Variants in SPDYE14 observed in about 807,000 individuals in gnomAD.
SPDYE14 encodes speedy/RINGO cell cycle regulator family member E14.
chr7:75,268,870 AGAG>A, the SPDYE14 span, among the ~76,000 whole-genome samples: 1 of 23,534 alleles, frequency 4.2e-5, no homozygotes, highest in African/African-American at 9.5e-5. Context: ...AGAGAGAGAG[AGAG>A]AGAGAGAGAG....
the SPDYE14 span, among the ~76,000 whole-genome samples, chr7:75,268,889 GAGAGAA>G: frequency 2.6e-4 from 7 of 26,992 alleles, 1 homozygote; most frequent in African/African-American, 3.9e-4. Flanking sequence ...GAGAGAGAGA[GAGAGAA>G]AGGAAATGGC....
the SPDYE14 span, among the ~76,000 whole-genome samples, chr7:75,261,080 G>A: frequency 1.1e-5 from 1 of 89,592 alleles, no homozygotes; most frequent in Non-Finnish European, 2.7e-5. Flanking sequence ...AGCCGAGATC[G>A]CACCATTGCA....
At chr7:75,249,578 TTTCCTTCCTTCCTTCCTTCCTTCC>T in the SPDYE14 span, among the ~76,000 whole-genome samples, 6 of 60,298 alleles carry the variant, frequency 1.0e-4, no homozygotes, top group African/African-American at 4.3e-4. Flanking sequence ...TCCTTCCTTC[TTTCCTTCCTTCCTTCCTTCCTTCC>T]TTCCTTCCTT....
chr7:75,266,090 A>G, the SPDYE14 span, among the ~76,000 whole-genome samples: 1,252 of 58,246 alleles, frequency 0.021, 3 homozygotes, highest in African/African-American at 0.043. Flanking sequence ...GTTTGTTCTT[A>G]GAGTATGTTT....
At chr7:75,261,039 C>T in the SPDYE14 span, among the ~76,000 whole-genome samples, 1 of 79,234 alleles carries the variant, frequency 1.3e-5, no homozygotes, top group African/African-American at 3.0e-5. Context: ...GCAGGAGAAT[C>T]ACTTGAACCT....
chr7:75,241,470 C>CA, the SPDYE14 span, among the ~76,000 whole-genome samples: 2 of 1,310 alleles, frequency 1.5e-3, no homozygotes, highest in Non-Finnish European at 4.5e-3. Context: ...AAATTCCCGG[C>CA]AAAAAAAAAC....
chr7:75,262,598 A>G, the SPDYE14 span, among the ~76,000 whole-genome samples: 1 of 32,372 alleles, frequency 3.1e-5, no homozygotes, highest in African/African-American at 7.5e-5. Context: ...AGGCAGGAGG[A>G]TGGCTTGAGG....
the SPDYE14 span, among the ~76,000 whole-genome samples, chr7:75,247,226 C>T: frequency 1.1e-4 from 3 of 26,620 alleles, no homozygotes; most frequent in Non-Finnish European, 3.3e-4. Context: ...GTCTGTTGTC[C>T]CAACTACTTG....
chr7:75,279,180 G>GGT, the SPDYE14 span, among the ~76,000 whole-genome samples: 253 of 68,848 alleles, frequency 3.7e-3, 3 homozygotes, highest in Non-Finnish European at 6.1e-3. Flanking sequence ...GTTCTAGAGA[G>GGT]GTGTGTGTGC....
chr7:75,240,638 A>T, the SPDYE14 span, among the ~76,000 whole-genome samples: 1 of 72,046 alleles, frequency 1.4e-5, no homozygotes, highest in African/African-American at 4.0e-5. Context: ...ACAATAAAAA[A>T]AAAAAAGCAG....
chr7:75,275,779 C>T, the SPDYE14 span, among the ~76,000 whole-genome samples: 1 of 30,688 alleles, frequency 3.3e-5, no homozygotes, highest in African/African-American at 8.3e-5. Flanking sequence ...CAGAAGAGTA[C>T]AGTGAACCCC....
At chr7:75,261,015 C>T in the SPDYE14 span, among the ~76,000 whole-genome samples, 1 of 70,844 alleles carries the variant, frequency 1.4e-5, no homozygotes, top group African/African-American at 3.3e-5. Flanking sequence ...GTCCCAGCTA[C>T]TGGGGAGGCT....
At chr7:75,265,565 CAAAAAAAAAAAA>C in the SPDYE14 span, among the ~76,000 whole-genome samples, 1 of 1,770 alleles carries the variant, frequency 5.6e-4, no homozygotes, top group Non-Finnish European at 1.4e-3. Flanking sequence ...TAAAAAAATA[CAAAAAAAAAAAA>C]AAAAAAAAAA....
chr7:75,276,399 AAAC>A, the SPDYE14 span, among the ~76,000 whole-genome samples: 18 of 27,346 alleles, frequency 6.6e-4, 4 homozygotes, highest in Non-Finnish European at 1.1e-3. Context: ...CAATCTTAAA[AAAC>A]AACAACAACA....
At chr7:75,249,805 C>G in the SPDYE14 span, among the ~76,000 whole-genome samples, 1 of 123,338 alleles carries the variant, frequency 8.1e-6, no homozygotes, top group Admixed American at 8.4e-5. Context: ...TCCCAAGTAG[C>G]TGGGACTACA....
the SPDYE14 span, among the ~76,000 whole-genome samples, chr7:75,272,843 A>G: frequency 2.0e-5 from 1 of 49,498 alleles, no homozygotes; most frequent in Non-Finnish European, 5.2e-5. Flanking sequence ...CCCAGATGGC[A>G]CCACTGCACT....
chr7:75,297,575 CT>C, the SPDYE14 span: 1 of 55,422 alleles, frequency 1.8e-5, no homozygotes, highest in African/African-American at 2.2e-4. Context: ...TAGTAACTGG[CT>C]TTAAAAAACT....
chr7:75,241,693 A>T, the SPDYE14 span, among the ~76,000 whole-genome samples: 6 of 22,734 alleles, frequency 2.6e-4, no homozygotes, highest in African/African-American at 6.2e-4. Context: ...ATATATATAT[A>T]TATTTTTTTT....
the SPDYE14 span, among the ~76,000 whole-genome samples, chr7:75,272,869 G>T: frequency 2.6e-5 from 1 of 37,940 alleles, no homozygotes; most frequent in Non-Finnish European, 7.1e-5. Flanking sequence ...CTGGGCGACA[G>T]AGTGAAACTG....
Sources: gnomAD v4.1 joint callset for allele counts (sites outside exome capture counted in the v4.1 genomes callset) on GRCh38, gnomAD v4.1.1 for gene constraint, MANE v1.5 for transcripts, NCBI Gene and HGNC (gene_info 2026-07-23, HGNC 2026-07-21) for gene names.